IRAK2: variants seen among roughly 807,000 people sequenced by gnomAD.
The protein encoded by IRAK2 is interleukin-1 receptor-associated kinase-like 2.
A neutral mutation model predicts 72.0 loss-of-function variants in IRAK2; 57 were observed. That is an observed-to-expected ratio of 0.79 (90% CI 0.64 to 0.99). The LOEUF (loss-of-function observed/expected upper bound fraction) is 0.99, where lower values mean the gene tolerates loss of function less well. Ranked by LOEUF, IRAK2 falls within the 50% of genes least tolerant of loss-of-function variation. IRAK2 has a pLI of 0.00. For missense variants in IRAK2, 790 were observed against 794.4 expected (o/e 0.99, Z 0.07); for synonymous variants, 293 against 312.7 (o/e 0.94, Z 0.67).
intron 7 of IRAK2, 50 bp downstream of exon 7, chr3:10,217,098 AT>A (rs1697617471): frequency 7.4e-7 from 1 of 1,351,928 alleles, no homozygotes; most frequent in East Asian, 2.3e-5. Context: ...GCACCCAGCC[AT>A]GGGGTCAAGG....
At chr3:10,187,103 G>C (rs975006631) in intron 2 of IRAK2, among the ~76,000 whole-genome samples, 1 of 151,126 alleles carries the variant, frequency 6.6e-6, no homozygotes, top group African/African-American at 2.5e-5. Flanking sequence ...TTGGATGTTG[G>C]AGCATTTTGG....
intron 2 of IRAK2, among the ~76,000 whole-genome samples, chr3:10,188,267 C>A (rs1258729127): frequency 6.6e-6 from 1 of 152,162 alleles, no homozygotes; most frequent in East Asian, 1.9e-4. Context: ...GTGAAATTCT[C>A]CCTCTGCCCT....
chr3:10,182,226 C>G (rs185078054), intron 2 of IRAK2, among the ~76,000 whole-genome samples: 4 of 152,102 alleles, frequency 2.6e-5, no homozygotes, highest in African/African-American at 9.6e-5. Flanking sequence ...GCCTTGGCCT[C>G]CCAAAGTGCT....
At position 10,185,681 on chromosome 3, in the gene IRAK2, C is replaced by A. The variant is rs182770532; in HGVS notation, c.277+7661C>A. 6.9e-4 allele frequency among the ~76,000 whole-genome samples: 104 copies of A among 150,940 alleles called. 5 individuals are homozygous for A. The highest frequency in any genetic ancestry group is 2.3e-3 in the African/African-American group (93 of 40,578). On this transcript the variant is annotated intron_variant, in intron 2 of 12. Transcript: ENST00000256458. ...CTTGAGGTCAGGAGTTCAAGACCAGCCTGGCCAACATGGTGAAACATCGTC... is the reference window on the plus strand; with the variant it reads ...CTTGAGGTCAGGAGTTCAAGACCAGACTGGCCAACATGGTGAAACATCGTC...
intron 9 of IRAK2, among the ~76,000 whole-genome samples, chr3:10,223,336 C>A (rs566424978): frequency 7.3e-5 from 11 of 150,140 alleles, no homozygotes; most frequent in Non-Finnish European, 1.5e-4. Flanking sequence ...CACCCAGCAT[C>A]CCACCCTACC....
Position 10,166,923 on chromosome 3 carries a change from C to T in IRAK2, c.94+1875C>T, listed in dbSNP as rs1037328130. Among the ~76,000 whole-genome samples the T allele has an allele frequency of 3.3e-5, 5 of 152,208 alleles. No homozygotes were observed. In the East Asian group the frequency reaches 5.8e-4, roughly 18 times the overall value. ...CCTCCCAAAGTGCTGGGATTACAGGCGTGAGCCACTGCTCCTGGACCTGGC... is the reference window on the plus strand; with the variant it reads ...CCTCCCAAAGTGCTGGGATTACAGGTGTGAGCCACTGCTCCTGGACCTGGC... On this transcript the variant is annotated intron_variant, in intron 1 of 12. Coordinates refer to ENST00000256458, the MANE Select transcript of IRAK2 (RefSeq NM_001570.4).
At chr3:10,194,762 G>A (rs1462239257) in intron 2 of IRAK2, among the ~76,000 whole-genome samples, 2 of 152,188 alleles carry the variant, frequency 1.3e-5, no homozygotes, top group African/African-American at 4.8e-5. Flanking sequence ...GTGGAGATGA[G>A]GGCGGTTCAT....
chr3:10,219,754 G>C lies in IRAK2; in HGVS notation c.978G>C (p.Leu326=). 6.2e-7 allele frequency: 1 copy of C among 1,613,718 alleles called. No homozygotes were observed. Residue 326 remains leucine, a synonymous_variant, in exon 8 of 13, where the codon CTG becomes CTC. Transcript: ENST00000256458. ...CSGLLCAVEY[L]HGLEIIHSNV... is the part of the protein sequence containing the mutation. The stretch of plus-strand genomic sequence containing the variant: ...GGCTGCTCTGTGCCGTCGAGTACCT[G>C]CATGGTCTGGAGATCATCCACAGCA...
chr3:10,238,283 G>C (rs1697997799), intron 11 of IRAK2, among the ~76,000 whole-genome samples: 1 of 152,142 alleles, frequency 6.6e-6, no homozygotes, highest in East Asian at 1.9e-4. Context: ...GTGTCTCTCT[G>C]TCTGTGGCTC....
chr3:10,177,792 G>A (rs778175901), intron 1 of IRAK2, 46 bp from the exon 2 acceptor site: 1 of 1,584,200 alleles, frequency 6.3e-7, no homozygotes, highest in African/African-American at 1.3e-5. Context: ...TGTCCTAGAG[G>A]GACTGCCTCT....
Position 10,234,596 on chromosome 3 carries a change from C to T in IRAK2, c.1410C>T (p.Cys470=), listed in dbSNP as rs945820818. ...GCGCAGGGAGGCTTCCGGAGGACTG[C>T]GCCGAGGCCCTGGCCACGGCTGCCT... is the stretch of plus-strand genomic sequence containing the variant. ...EKGAGRLPED[C]AEALATAACL... The change falls in exon 11 of 13, where the codon TGC becomes TGT. Residue 470 remains cysteine (C), a synonymous_variant. Transcript: ENST00000256458. 5.6e-6 allele frequency: 9 copies of T among 1,613,288 alleles called. No homozygotes were observed. Among genetic ancestry groups the T allele is most frequent in the Non-Finnish European group, 7.6e-6 (9 of 1,179,914 alleles).
Position 10,242,629 on chromosome 3 carries a change from T to C in IRAK2, c.*401T>C, listed in dbSNP as rs2125167729. ...GCAGTTCTGCAATGCCATAGCATTT[T>C]CCAGAGCTAAGATCTCTGGGTTGTA... On this transcript the variant is annotated 3_prime_UTR_variant, in exon 13 of 13. Coordinates refer to ENST00000256458, the MANE Select transcript of IRAK2 (RefSeq NM_001570.4). The C allele has an allele frequency of 6.5e-6, 1 of 153,856 alleles. No homozygotes were observed. Among genetic ancestry groups the C allele is most frequent in the East Asian group, 1.9e-4 (1 of 5,268 alleles). The allele number at this position is 153,856 out of a possible 1,614,324, so 9.5% of individuals were successfully genotyped here. A position where few individuals can be genotyped will look rare whatever the true frequency, so the allele number is the denominator to read the frequency against.
intron 1 of IRAK2, among the ~76,000 whole-genome samples, chr3:10,175,990 T>C (rs1316669413): frequency 6.6e-6 from 1 of 151,420 alleles, no homozygotes; most frequent in African/African-American, 2.4e-5. Flanking sequence ...GGGTGATTTT[T>C]GGAAAGGGGA....
intron 7 of IRAK2, among the ~76,000 whole-genome samples, chr3:10,218,446 C>A (rs13096111): frequency 0.65 from 85,205 of 130,854 alleles, 29,015 homozygotes; most frequent in Non-Finnish European, 0.75. Flanking sequence ...AAAAAAAAAA[C>A]CAAAACGGTG....
chr3:10,179,151 C>A (rs989084061), intron 2 of IRAK2, among the ~76,000 whole-genome samples: 1 of 152,134 alleles, frequency 6.6e-6, no homozygotes, highest in Admixed American at 6.6e-5. Flanking sequence ...CTAGCAAAGA[C>A]CTTGGGGACT....
intron 12 of IRAK2, among the ~76,000 whole-genome samples, chr3:10,240,802 G>A (rs151185633): frequency 0.038 from 5,720 of 151,124 alleles, 169 homozygotes; most frequent in Non-Finnish European, 0.061. Flanking sequence ...CAGGTGATCC[G>A]CCCACCTCGG....
At chr3:10,193,378 T>A (rs1406700073) in intron 2 of IRAK2, among the ~76,000 whole-genome samples, 1 of 151,750 alleles carries the variant, frequency 6.6e-6, no homozygotes, top group African/African-American at 2.4e-5. Context: ...CCAAGGCAGG[T>A]AGATTGCTTG....
chr3:10,189,426 TG>T (rs1482774279), intron 2 of IRAK2, among the ~76,000 whole-genome samples: 1 of 152,190 alleles, frequency 6.6e-6, no homozygotes, highest in African/African-American at 2.4e-5. Flanking sequence ...GGCTTCCACC[TG>T]GGAGTATCCC....
intron 1 of IRAK2, among the ~76,000 whole-genome samples, chr3:10,175,056 A>G (rs1305914496): frequency 6.6e-6 from 1 of 151,570 alleles, no homozygotes; most frequent in Non-Finnish European, 1.5e-5. Flanking sequence ...GCACCACTGT[A>G]CTCATGCCAC....
Sources: allele counts gnomAD v4.1 joint callset (sites outside exome capture counted in the v4.1 genomes callset), GRCh38; gene constraint gnomAD v4.1.1; transcripts MANE v1.5; gene names NCBI Gene and HGNC (gene_info 2026-07-23, HGNC 2026-07-21).